VPS13C: variants seen among roughly 807,000 people sequenced by gnomAD.
VPS13C encodes vacuolar protein sorting 13 homolog C, also known as intermembrane lipid transfer protein VPS13C.
VPS13C carries 358 observed loss-of-function variants against 456.8 expected under a neutral mutation model. The observed-to-expected ratio is 0.78, with a 90% confidence interval of 0.72 to 0.86. The LOEUF is 0.86. VPS13C is among the 40% of genes least tolerant of loss of function. The pLI, the probability that VPS13C is intolerant of heterozygous loss-of-function variation, is 0.00. For missense variants in VPS13C, 4,818 were observed against 4,385.4 expected (o/e 1.10, Z -2.79); for synonymous variants, 1,578 against 1,486.7 (o/e 1.06, Z -1.41).
chr15:61,974,393 AG>A lies in VPS13C; in HGVS notation c.2432del (p.Pro811LeufsTer2). The A allele has an allele frequency of 6.2e-7, 1 of 1,612,536 alleles. No individual in the cohort carries two copies. The highest frequency in any genetic ancestry group is 1.3e-5 in the African/African-American group (1 of 74,992). ...MARFKVSGGL[P>X]LMHVRISDQK... is the part of the protein sequence containing the mutation. ...GGTCAGAAATTCTCACATGCATCAAAGGAAGTCCTCCTGACACTTTAAATCT... is the reference window on the plus strand; with the variant it reads ...GGTCAGAAATTCTCACATGCATCAAAGAAGTCCTCCTGACACTTTAAATCT... On this transcript the variant is annotated frameshift_variant, in exon 25 of 85. Transcript: ENST00000644861. LOFTEE classifies it high-confidence loss of function.
chr15:61,921,834 C>G, intron 55 of VPS13C, 113 bp downstream of exon 55: 1 of 987,994 alleles, frequency 1.0e-6, no homozygotes, highest in African/African-American at 1.6e-5. Context: ...TGGACAGAGC[C>G]CTTAAAAGGG....
At position 62,015,471 on chromosome 15, in the gene VPS13C, G is replaced by A. The variant is rs910727277; in HGVS notation, c.685-1479C>T. Reference sequence around the variant, plus strand: ...TGGTAATGCCTAGGTTTTCTTCTAGGGTTTTTATGGTTTATTGCGGCACTA... The same window carrying A: ...TGGTAATGCCTAGGTTTTCTTCTAGAGTTTTTATGGTTTATTGCGGCACTA... On this transcript the variant is annotated intron_variant, in intron 9 of 84. Transcript: ENST00000644861. Among the ~76,000 whole-genome samples, 6 of 151,586 alleles carry A rather than the reference G, an allele frequency of 4.0e-5. 1 individual carries two copies. In the South Asian group the frequency reaches 1.3e-3, roughly 32 times the overall value.
chr15:61,996,493 TG>T (rs1489869184), intron 16 of VPS13C, among the ~76,000 whole-genome samples: 2 of 151,852 alleles, frequency 1.3e-5, no homozygotes, highest in Non-Finnish European at 2.9e-5. Flanking sequence ...AAACTGAAAA[TG>T]TAAACAATTC....
In VPS13C at chr15:62,026,552, G is replaced by C. The variant is rs557532895; in HGVS notation, c.448+1806C>G. ...AGTTCCTTTTCCTTGAAGTGGTTTT[G>C]TTGAAGTGTCTACCAAACAACCAAA... On this transcript the variant is annotated intron_variant, in intron 6 of 84. Coordinates refer to ENST00000644861, the MANE Select transcript of VPS13C (RefSeq NM_020821.3). 7.2e-5 allele frequency among the ~76,000 whole-genome samples: 11 copies of C among 151,850 alleles called. No individual in the cohort carries two copies. In the East Asian group the frequency reaches 2.1e-3, roughly 29 times the overall value.
chr15:61,946,491 G>A, intron 43 of VPS13C, 81 bp from the exon 44 acceptor site: 4 of 972,912 alleles, frequency 4.1e-6, no homozygotes, highest in Non-Finnish European at 6.0e-6. Context: ...ATAATATACT[G>A]ACAAGATATA....
chr15:61,960,130 T>A (rs1482042398), intron 35 of VPS13C, among the ~76,000 whole-genome samples: 1 of 152,182 alleles, frequency 6.6e-6, no homozygotes, highest in Non-Finnish European at 1.5e-5. Flanking sequence ...CCACCTGGTA[T>A]GAGCACTGAA....
chr15:61,884,283 A>G lies in VPS13C; in HGVS notation c.9342-14T>C. ...ACAACACCAGAACTAAATAATTCAC[A>G]CAAAAAAATTAAATTAGCAATATGT... On this transcript the variant is annotated splice_polypyrimidine_tract_variant and intron_variant, in intron 67 of 84. Coordinates refer to ENST00000644861, the MANE Select transcript of VPS13C (RefSeq NM_020821.3). 6.2e-7 allele frequency: 1 copy of G among 1,606,062 alleles called. No individual in the cohort carries two copies. The highest frequency in any genetic ancestry group is 8.5e-7 in the Non-Finnish European group (1 of 1,177,954).
At chr15:62,000,727 C>T (rs1461095948) in intron 15 of VPS13C, 101 bp from the exon 16 acceptor site, 5 of 841,980 alleles carry the variant, frequency 5.9e-6, no homozygotes, top group African/African-American at 1.8e-5. Context: ...TTATCAGTAC[C>T]TGTGACCTAA....
At chr15:61,868,905 A>T in intron 80 of VPS13C, 132 bp from the exon 81 acceptor site, 1 of 728,342 alleles carries the variant, frequency 1.4e-6, no homozygotes, top group Non-Finnish European at 2.2e-6. Flanking sequence ...CAAATAATGC[A>T]AAAGTATTAA....
chr15:62,022,639 G>A (rs1444565355), intron 8 of VPS13C, among the ~76,000 whole-genome samples: 1 of 151,530 alleles, frequency 6.6e-6, no homozygotes, highest in Non-Finnish European at 1.5e-5. Context: ...AGTTACATAG[G>A]GAACTTACCA....
chr15:61,946,227 T>C (rs1052002466), intron 44 of VPS13C, 80 bp downstream of exon 44: 1 of 1,081,130 alleles, frequency 9.2e-7, no homozygotes, highest in Admixed American at 2.5e-5. Flanking sequence ...ATAATAAATG[T>C]ATACTGTGCA....
chr15:61,918,243 G>C lies in VPS13C; in HGVS notation c.7653C>G (p.Phe2551Leu). ...ATTTATAGATGATAAATGCAATGGA[G>C]AAATGGTTTTTGATCTGTTGGACAA... is the stretch of plus-strand genomic sequence containing the variant. Reference protein sequence around the residue: ...LRSPLQIKNHFSIAFIIYKFV... With the variant: ...LRSPLQIKNHLSIAFIIYKFV... Residue 2551 changes from phenylalanine (F) to leucine (L), a missense_variant, in exon 59 of 85, where the codon TTC (phenylalanine) becomes TTG (leucine). Physicochemically the swap from Phe to Leu is conservative, Grantham distance 22. Transcript: ENST00000644861. 1 of 1,568,180 alleles carries C rather than the reference G, an allele frequency of 6.4e-7. No homozygotes were observed. The highest frequency in any genetic ancestry group is 8.6e-7 in the Non-Finnish European group (1 of 1,161,372).
In VPS13C at chr15:61,949,464, T is replaced by G. The variant is rs1239273200; in HGVS notation, c.4738A>C (p.Arg1580=). 6.2e-7 allele frequency: 1 copy of G among 1,613,316 alleles called. No individual in the cohort carries two copies. ...TTACCAGCTTTGACAGCGATACTTC[T>G]GGACTCCCCCACAAGTGGTTTCAGC... ...SELKPLVGES[R]SIAVKAVSSN... is the part of the protein sequence containing the mutation. Residue 1580 remains arginine, a synonymous_variant, in exon 42 of 85, where the codon AGA becomes CGA. Transcript: ENST00000644861.
At chr15:61,981,974 T>C (rs561893699) in intron 21 of VPS13C, among the ~76,000 whole-genome samples, 6 of 152,282 alleles carry the variant, frequency 3.9e-5, no homozygotes, top group Non-Finnish European at 5.9e-5. Context: ...AAACTGCATA[T>C]AGTCAATGGT....
chr15:61,864,070 G>C (rs1162342477), intron 81 of VPS13C: 2 of 153,636 alleles, frequency 1.3e-5, no homozygotes, highest in East Asian at 3.9e-4. Flanking sequence ...TTTACATAGA[G>C]GTATTAGTAG....
intron 79 of VPS13C, among the ~76,000 whole-genome samples, chr15:61,870,045 A>G (rs890967683): frequency 2.6e-5 from 4 of 152,210 alleles, no homozygotes; most frequent in South Asian, 2.1e-4. Context: ...AAAAAAATAT[A>G]TAACAACTTT....
chr15:61,906,205 T>C (rs1382263568), intron 66 of VPS13C, among the ~76,000 whole-genome samples: 4 of 152,184 alleles, frequency 2.6e-5, no homozygotes, highest in Admixed American at 6.5e-5. Flanking sequence ...TAAGCAGAAC[T>C]CCCTTCTTTG....
At chr15:62,012,768 G>A (rs2047092198) in intron 11 of VPS13C, among the ~76,000 whole-genome samples, 1 of 151,804 alleles carries the variant, frequency 6.6e-6, no homozygotes, top group South Asian at 2.1e-4. Context: ...TCATCAAAAT[G>A]AGAATGTAAA....
chr15:62,033,450 C>T lies in VPS13C; in HGVS notation c.376G>A (p.Ala126Thr). Residue 126 changes from alanine (A) to threonine (T), a missense_variant, in exon 5 of 85, where the codon GCA becomes ACA. Physicochemically the swap from Ala to Thr is moderately conservative, Grantham distance 58. Transcript: ENST00000644861. ...CAAAAAAACTTTTTACCTTTTTCTG[C>T]TGCTTTTTGAAGGGCTTCTTCAATT... The part of the protein sequence containing the change: ...SRIEEALQKA[A>T]EKGTHSGEFI... 1 of 1,597,842 alleles carries T rather than the reference C, an allele frequency of 6.3e-7. No homozygotes were observed. The highest frequency in any genetic ancestry group is 1.7e-4 in the Middle Eastern group (1 of 5,932).
Sources: gnomAD v4.1 joint callset for allele counts (sites outside exome capture counted in the v4.1 genomes callset) on GRCh38, gnomAD v4.1.1 for gene constraint, MANE v1.5 for transcripts, NCBI Gene and HGNC (gene_info 2026-07-23, HGNC 2026-07-21) for gene names.